Variants in PRICKLE2 observed in about 807,000 individuals in gnomAD.
PRICKLE2 encodes the protein prickle-like protein 2.
PRICKLE2 carries 21 observed loss-of-function variants against 81.4 expected under a neutral mutation model. The observed-to-expected ratio is 0.26, with a 90% CI of 0.18 to 0.37. PRICKLE2 has a LOEUF of 0.37. Among genes scored for constraint, PRICKLE2 ranks in the 10% least tolerant of loss-of-function variants. The probability of loss-of-function intolerance (pLI) is 1.00; values close to 1 mark genes in which losing one functional copy is unlikely to be tolerated. For synonymous variants in PRICKLE2, 456 were observed against 421.5 expected (o/e 1.08, Z -1.00); for missense variants, 940 against 1,109.0 (o/e 0.85, Z 2.16).
intron 2 of PRICKLE2, among the ~76,000 whole-genome samples, chr3:64,185,710 T>C (rs536185724): frequency 3.9e-5 from 6 of 152,344 alleles, no homozygotes; most frequent in African/African-American, 1.4e-4. Context: ...GCCTCCACCA[T>C]TGGCATGGGA....
chr3:64,190,170 A>G (rs2078306172), intron 2 of PRICKLE2: 1 of 152,216 alleles, frequency 6.6e-6, no homozygotes, highest in Admixed American at 6.5e-5. Context: ...CAGCTCAAAT[A>G]CTGCCTCCCC....
Position 64,160,069 on chromosome 3 carries a change from A to G in PRICKLE2, c.267T>C (p.Tyr89=), listed in dbSNP as rs199642985. The part of the protein sequence containing the change: ...QLPPHDNEVR[Y]CNSLDEEEKR... ...TCTCTTCCTCATCCAGGGAGTTGCA[A>G]TATCGAACCTGAATAGACACAGACA... is the stretch of plus-strand genomic sequence containing the variant. Residue 89 remains tyrosine, a synonymous_variant, in exon 4 of 8, where the codon TAT becomes TAC. Transcript: ENST00000638394. 1.5e-4 allele frequency: 241 copies of G among 1,614,084 alleles called. No individual in the cohort carries two copies. The East Asian group carries it at 5.2e-3, about 35-fold the overall frequency.
Position 64,147,377 on chromosome 3 carries a change from G to T in PRICKLE2, c.1113C>A (p.Pro371=). 1 of 1,614,242 alleles carries T rather than the reference G, an allele frequency of 6.2e-7. No homozygotes were observed. Among genetic ancestry groups the T allele is most frequent in the Non-Finnish European group, 8.5e-7 (1 of 1,180,052 alleles). The change falls in exon 7 of 8, where the codon CCC becomes CCA. Residue 371 remains proline, a synonymous_variant. Coordinates refer to ENST00000638394, the MANE Select transcript of PRICKLE2 (RefSeq NM_198859.4). The surrounding 1 kb of genome is among the most constrained non-coding windows in gnomAD (Gnocchi z 5.0). ...SSNRLSADVD[P]LSLQMDMLSL... is the part of the protein sequence containing the mutation. ...TGAGCATGTCCATCTGCAGTGACAG[G>T]GGGTCTACGTCGGCTGACAGCCGGT... is the stretch of plus-strand genomic sequence containing the variant.
intron 7 of PRICKLE2, among the ~76,000 whole-genome samples, chr3:64,141,124 C>A (rs2077354662): frequency 6.6e-6 from 1 of 152,218 alleles, no homozygotes; most frequent in Non-Finnish European, 1.5e-5. Flanking sequence ...AAGCCATTAG[C>A]ATGTCAGGTC....
intron 1 of PRICKLE2, chr3:64,199,306 C>A (rs2078524436): frequency 2.4e-6 from 1 of 415,188 alleles, no homozygotes; most frequent in Non-Finnish European, 4.3e-6. Context: ...TGGCCCATGA[C>A]CACAATTTCC....
intron 7 of PRICKLE2, among the ~76,000 whole-genome samples, chr3:64,118,415 C>T (rs957219178): frequency 6.6e-6 from 1 of 152,122 alleles, no homozygotes; most frequent in African/African-American, 2.4e-5. Context: ...AGACAACCTA[C>T]AGAAAAGGAG....
intron 2 of PRICKLE2, among the ~76,000 whole-genome samples, chr3:64,252,565 C>A (rs989582949): frequency 1.3e-5 from 2 of 152,172 alleles, no homozygotes; most frequent in African/African-American, 4.8e-5. Context: ...TGGTCAATAG[C>A]ACTTTTGCCA....
At chr3:64,182,395 G>C (rs1206462419) in intron 2 of PRICKLE2, among the ~76,000 whole-genome samples, 2 of 152,054 alleles carry the variant, frequency 1.3e-5, no homozygotes, top group South Asian at 2.1e-4. Context: ...GCTGAGGTGG[G>C]AGGATGGAGG....
intron 2 of PRICKLE2, chr3:64,174,946 A>G (rs1305877701): frequency 5.1e-6 from 1 of 195,450 alleles, no homozygotes; most frequent in South Asian, 1.1e-4. Context: ...TTCATAATTG[A>G]CCCCATGAAT....
chr3:64,140,975 T>C (rs1377523753), intron 7 of PRICKLE2, among the ~76,000 whole-genome samples: 1 of 152,190 alleles, frequency 6.6e-6, no homozygotes, highest in Non-Finnish European at 1.5e-5. Context: ...GGCTTTGCAG[T>C]TGATCACACC....
At chr3:64,119,430 C>T (rs548325360) in intron 7 of PRICKLE2, among the ~76,000 whole-genome samples, 5 of 152,250 alleles carry the variant, frequency 3.3e-5, no homozygotes, top group South Asian at 2.1e-4. Flanking sequence ...AGAACACATA[C>T]GAGCTACCAA....
At chr3:64,226,751 T>C (rs1162659183), upstream of PRICKLE2, among the ~76,000 whole-genome samples, 6 of 152,342 alleles carry the variant, frequency 3.9e-5, no homozygotes, top group East Asian at 9.6e-4. Flanking sequence ...TTGTTTAAAA[T>C]CATATATTCC....
rs189438920 is a variant in PRICKLE2 at position 64,244,653 on chromosome 3, C to T, written c.129-45686G>A. Among the ~76,000 whole-genome samples the T allele has an allele frequency of 3.1e-4, 46 of 148,728 alleles. No individual in the cohort carries two copies. The East Asian group carries it at 6.9e-3, about 22-fold the overall frequency. On this transcript the variant is annotated intron_variant, in intron 2 of 8. Coordinates refer to the PRICKLE2 transcript ENST00000295902. ...GTGTGTGTCTGATAGAGAGGGAGAA[C>T]GAGACAGGGAGAGAGAGACAGAAAG...
intron 7 of PRICKLE2, among the ~76,000 whole-genome samples, chr3:64,119,023 T>C (rs570712984): frequency 2.6e-5 from 4 of 152,326 alleles, no homozygotes; most frequent in Admixed American, 6.5e-5. Context: ...ATATACACCA[T>C]AGAATACTAT....
intron 7 of PRICKLE2, among the ~76,000 whole-genome samples, chr3:64,108,646 T>C (rs923369042): frequency 6.6e-6 from 1 of 152,206 alleles, no homozygotes; most frequent in Non-Finnish European, 1.5e-5. Flanking sequence ...CTCACCGGAC[T>C]TGCAGAATTC....
chr3:64,230,220 T>G (rs995906345), upstream of PRICKLE2, among the ~76,000 whole-genome samples: 43 of 152,196 alleles, frequency 2.8e-4, no homozygotes, highest in Non-Finnish European at 4.4e-5. Context: ...AAACAGACAA[T>G]GGAGGACCCC....
At chr3:64,155,242 A>T (rs981612500) in intron 5 of PRICKLE2, among the ~76,000 whole-genome samples, 12 of 151,942 alleles carry the variant, frequency 7.9e-5, no homozygotes, top group African/African-American at 2.9e-4. Context: ...CATTTCTCTG[A>T]AAAAGAAGAT....
chr3:64,167,777 AACTATAGCTTGCATCAGAATC>A (rs1222483522), intron 2 of PRICKLE2, among the ~76,000 whole-genome samples: 2 of 152,182 alleles, frequency 1.3e-5, no homozygotes, highest in African/African-American at 4.8e-5. Flanking sequence ...CTGGTTCTCA[AACTATAGCTTGCATCAGAATC>A]ACCTGGAAGG....
chr3:64,204,246 G>C lies in PRICKLE2; in HGVS notation c.-40-5279C>G, dbSNP rs534039747. Among the ~76,000 whole-genome samples the C allele has an allele frequency of 5.3e-5, 8 of 152,068 alleles. No homozygotes were observed. In the South Asian group the frequency reaches 1.7e-3, roughly 32 times the overall value. On this transcript the variant is annotated intron_variant, in intron 1 of 7. Coordinates refer to ENST00000638394, the MANE Select transcript of PRICKLE2 (RefSeq NM_198859.4). Reference sequence around the variant, plus strand: ...GAAAGAAGCAGGATATGGGAGGTCAGGATGGGGAGGGGACATATACCGAGC... The same window carrying C: ...GAAAGAAGCAGGATATGGGAGGTCACGATGGGGAGGGGACATATACCGAGC...
Sources: allele counts gnomAD v4.1 joint callset (sites outside exome capture counted in the v4.1 genomes callset), GRCh38; gene constraint gnomAD v4.1.1; non-coding constraint Gnocchi (gnomAD v3.1); transcripts MANE v1.5; gene names NCBI Gene and HGNC (gene_info 2026-07-23, HGNC 2026-07-21).